The following RB1 variants were observed in gnomAD, a reference collection of about 807,000 sequenced individuals.
RB1 encodes RB transcriptional corepressor 1.
A neutral mutation model predicts 135.4 loss-of-function variants in RB1; 18 were observed. That is an observed-to-expected ratio of 0.13 (90% confidence interval 0.09 to 0.20). The LOEUF (loss-of-function observed/expected upper bound fraction) is 0.20. RB1 is among the 10% of genes least tolerant of loss of function. The pLI is 1.00. For missense variants in RB1, 868 were observed against 1,110.0 expected, an observed-to-expected ratio of 0.78 and a Z score of 3.10; for synonymous variants, 365 against 373.2, an observed-to-expected ratio of 0.98 and a Z score of 0.25.
At chr13:48,410,876 G>A (rs111719973) in intron 17 of RB1, among the ~76,000 whole-genome samples, 12 of 151,964 alleles carry the variant, frequency 7.9e-5, no homozygotes, top group African/African-American at 1.2e-4. Context: ...AGAAGACTAC[G>A]TTTTTAGTTA....
intron 13 of RB1, among the ~76,000 whole-genome samples, chr13:48,378,236 T>A (rs1047422185): frequency 9.2e-4 from 140 of 152,314 alleles, no homozygotes; most frequent in African/African-American, 3.3e-3. Flanking sequence ...AATCTTCAGT[T>A]TGTAAGAAAC....
intron 14 of RB1, 69 bp from the exon 15 acceptor site, chr13:48,379,982 AAT>A: frequency 3.1e-6 from 3 of 980,694 alleles, no homozygotes; most frequent in Non-Finnish European, 4.2e-6. Context: ...AAAAAAAAAA[AAT>A]TCAATGCTGA....
At chr13:48,373,742 T>C (rs1019406038) in intron 12 of RB1, among the ~76,000 whole-genome samples, 2 of 152,170 alleles carry the variant, frequency 1.3e-5, no homozygotes, top group African/African-American at 4.8e-5. Context: ...TTGCAACTTA[T>C]GCCTCACTTC....
chr13:48,313,099 CCTTCCATATGAAT>C (rs998607438), intron 2 of RB1, among the ~76,000 whole-genome samples: 7 of 152,058 alleles, frequency 4.6e-5, no homozygotes, highest in Non-Finnish European at 1.0e-4. Context: ...TGTTCTCTTC[CCTTCCATATGAAT>C]CTTCCATATG....
chr13:48,465,914 C>T (rs1172839257), intron 23 of RB1, among the ~76,000 whole-genome samples: 40 of 148,296 alleles, frequency 2.7e-4, no homozygotes, highest in African/African-American at 8.8e-4. Context: ...CCTACGCCCA[C>T]GGAATCTCGC....
chr13:48,378,231 T>A (rs1475554146), intron 13 of RB1, among the ~76,000 whole-genome samples: 1 of 152,208 alleles, frequency 6.6e-6, no homozygotes, highest in African/African-American at 2.4e-5. Context: ...TTATAAATCT[T>A]CAGTTTGTAA....
chr13:48,338,574 A>G (rs535405858), intron 2 of RB1, among the ~76,000 whole-genome samples: 51 of 152,300 alleles, frequency 3.3e-4, no homozygotes, highest in African/African-American at 1.1e-3. Context: ...CTAGTTGGCC[A>G]GTTGTCTAAT....
intron 2 of RB1, among the ~76,000 whole-genome samples, chr13:48,309,472 T>C (rs1289180648): frequency 2.6e-5 from 4 of 152,220 alleles, no homozygotes; most frequent in African/African-American, 7.2e-5. Context: ...AAGAGAGGAA[T>C]ACTGAAGTAT....
At chr13:48,429,215 A>G (rs1192303667) in intron 17 of RB1, 1 of 152,208 alleles carries the variant, frequency 6.6e-6, no homozygotes, top group Non-Finnish European at 1.5e-5. Context: ...AAAATATTGT[A>G]GACTTAGATG....
chr13:48,430,984 G>A (rs1949124264), intron 17 of RB1, among the ~76,000 whole-genome samples: 1 of 151,876 alleles, frequency 6.6e-6, no homozygotes, highest in East Asian at 1.9e-4. Context: ...ATAAAATCTA[G>A]TGTTTAAAAA....
intron 6 of RB1, among the ~76,000 whole-genome samples, chr13:48,350,445 G>T (rs1007936579): frequency 1.3e-5 from 2 of 152,062 alleles, no homozygotes; most frequent in Admixed American, 6.6e-5. Flanking sequence ...AAGAAATTAA[G>T]AGGGAAATTA....
At chr13:48,389,090 G>A (rs1224785994) in intron 17 of RB1, among the ~76,000 whole-genome samples, 1 of 152,088 alleles carries the variant, frequency 6.6e-6, no homozygotes, top group Non-Finnish European at 1.5e-5. Flanking sequence ...AGCCCGGGAG[G>A]CGGAGGTTGA....
intron 6 of RB1, among the ~76,000 whole-genome samples, chr13:48,349,821 A>G (rs539204599): frequency 8.5e-5 from 13 of 152,194 alleles, no homozygotes; most frequent in African/African-American, 3.1e-4. Context: ...AAAGACACAT[A>G]CCGACTGAAA....
At position 48,352,828 on chromosome 13, in the gene RB1, A is replaced by C. The variant is rs553239330; in HGVS notation, c.607+3805A>C. Among the ~76,000 whole-genome samples the C allele has an allele frequency of 2.0e-4, 31 of 152,172 alleles. No individual in the cohort carries two copies. In the South Asian group the frequency reaches 2.5e-3, roughly 12 times the overall value. On this transcript the variant is annotated intron_variant, in intron 6 of 26. Transcript: ENST00000267163. ...AGATAGTTTGACTCCCTCTCTTCCT[A>C]TTTGGATGCCCTTCATTTCTTTCTC...
In RB1 at chr13:48,426,140, A is replaced by G. The variant is rs76360859; in HGVS notation, c.1696-26853A>G. On this transcript the variant is annotated intron_variant, in intron 17 of 26. Coordinates refer to ENST00000267163, the MANE Select transcript of RB1 (RefSeq NM_000321.3). The stretch of plus-strand genomic sequence containing the variant: ...GGCAAACTCTGCCCTGAACTTTAAG[A>G]TGGATATGACATGCCCTTTTGACCT... 8.4e-3 allele frequency among the ~76,000 whole-genome samples: 1,281 copies of G among 152,322 alleles called. 15 individuals are homozygous for G. Among genetic ancestry groups the G allele is most frequent in the African/African-American group, 0.03 (1,238 of 41,560 alleles).
At chr13:48,400,606 G>A (rs9562819) in intron 17 of RB1, among the ~76,000 whole-genome samples, 86,021 of 151,942 alleles carry the variant, frequency 0.57, 28,560 homozygotes, top group Non-Finnish European at 0.72. Flanking sequence ...GCCTGGAAGT[G>A]TAAACACTGC....
intron 2 of RB1, among the ~76,000 whole-genome samples, chr13:48,332,857 CTA>C (rs888921073): frequency 1.3e-5 from 2 of 152,114 alleles, no homozygotes; most frequent in African/African-American, 4.8e-5. Flanking sequence ...CCTATATATA[CTA>C]TGTTTTTTCC....
chr13:48,474,999 A>G (rs536783445), intron 24 of RB1, among the ~76,000 whole-genome samples: 1 of 152,102 alleles, frequency 6.6e-6, no homozygotes, highest in South Asian at 2.1e-4. Context: ...TTAGCCTCCC[A>G]AGTTGCCAGG....
chr13:48,341,234 A>G (rs774586483), intron 2 of RB1: 3 of 152,022 alleles, frequency 2.0e-5, no homozygotes, highest in Non-Finnish European at 4.4e-5. Context: ...AGATTTATCT[A>G]TATTGTTATA....
Sources: gnomAD v4.1 joint callset for allele counts (sites outside exome capture counted in the v4.1 genomes callset) on GRCh38, gnomAD v4.1.1 for gene constraint, MANE v1.5 for transcripts, NCBI Gene and HGNC (gene_info 2026-07-23, HGNC 2026-07-21) for gene names.